ANXA4: variants seen among roughly 807,000 people sequenced by gnomAD.
ANXA4 encodes the protein annexin A4.
ANXA4 carries 39 observed loss-of-function variants against 49.8 expected under a neutral mutation model. That is an observed-to-expected ratio of 0.78 (90% CI 0.61 to 1.02). The LOEUF (loss-of-function observed/expected upper bound fraction) is 1.02, where lower values mean the gene tolerates loss of function less well. ANXA4 is among the 50% of genes least tolerant of loss of function. ANXA4 has a pLI of 0.00. For synonymous variants in ANXA4, 134 were observed against 152.5 expected, an observed-to-expected ratio of 0.88 and a Z score of 0.89; for missense variants, 360 against 410.1, an observed-to-expected ratio of 0.88 and a Z score of 1.05.
At chr2:69,721,696 C>CAA (rs200476723) in intron 3 of ANXA4, among the ~76,000 whole-genome samples, 1 of 137,128 alleles carries the variant, frequency 7.3e-6, no homozygotes, top group Middle Eastern at 3.7e-3. Flanking sequence ...GAGACCGTCT[C>CAA]AAAAAAAAAA....
At chr2:69,735,565 T>C (rs1406675851) in intron 3 of ANXA4, among the ~76,000 whole-genome samples, 1 of 151,882 alleles carries the variant, frequency 6.6e-6, no homozygotes, top group East Asian at 1.9e-4. Flanking sequence ...GTATGAGCTT[T>C]GGACTCAACT....
chr2:69,683,934 C>T (rs969937504), intron 2 of ANXA4, among the ~76,000 whole-genome samples: 4 of 152,126 alleles, frequency 2.6e-5, no homozygotes, highest in Non-Finnish European at 4.4e-5. Flanking sequence ...TGGAACTATG[C>T]ATAAGGGCAA....
rs183778804 is a variant in ANXA4 at position 69,806,877 on chromosome 2, A to G, written c.306+379A>G. On this transcript the variant is annotated intron_variant, in intron 5 of 12. Coordinates refer to ENST00000394295, the MANE Select transcript of ANXA4 (RefSeq NM_001153.5). Reference sequence around the variant, plus strand: ...GTGGGAGGAGGGAGAGGATCAGGAAAAATAACTAATGGGTACTAGGCTTAA... The same window carrying G: ...GTGGGAGGAGGGAGAGGATCAGGAAGAATAACTAATGGGTACTAGGCTTAA... 6.2e-3 allele frequency among the ~76,000 whole-genome samples: 950 copies of G among 152,292 alleles called. 7 individuals are homozygous for G. The highest frequency in any genetic ancestry group is 0.018 in the South Asian group (89 of 4,822).
Position 69,825,450 on chromosome 2 carries a change from G to T in ANXA4, c.907-6G>T. The T allele has an allele frequency of 6.2e-7, 1 of 1,603,682 alleles. No homozygotes were observed. The highest frequency in any genetic ancestry group is 8.5e-7 in the Non-Finnish European group (1 of 1,175,536). On this transcript the variant is annotated splice_region_variant and splice_polypyrimidine_tract_variant and intron_variant, in intron 12 of 12. Transcript: ENST00000394295. ...ATTTATCTAACTTTGCTTCCCTATC[G>T]AACAGGGTGACACATCTGGAGACTA...
chr2:69,746,133 T>G (rs1223955633), intron 1 of ANXA4, among the ~76,000 whole-genome samples: 2 of 152,158 alleles, frequency 1.3e-5, no homozygotes, highest in African/African-American at 2.4e-5. Flanking sequence ...TGCCTCAGCC[T>G]CCCAAGTAGC....
At chr2:69,663,654 A>G (rs556372524) in intron 2 of ANXA4, among the ~76,000 whole-genome samples, 2 of 152,096 alleles carry the variant, frequency 1.3e-5, no homozygotes, top group Non-Finnish European at 2.9e-5. Flanking sequence ...GGTGACATAG[A>G]GAGACCCTGT....
At chr2:69,820,843 C>T (rs780655119) in intron 12 of ANXA4, 22 bp downstream of exon 12, 3 of 1,611,740 alleles carry the variant, frequency 1.9e-6, no homozygotes, top group African/African-American at 2.7e-5. Context: ...CAGCCTAAGT[C>T]CAGAGTAAAG....
intron 3 of ANXA4, chr2:69,803,582 A>G (rs1461946387): frequency 6.6e-6 from 1 of 152,214 alleles, no homozygotes; most frequent in Non-Finnish European, 1.5e-5. Flanking sequence ...ATGTTGTATC[A>G]TGGTAATTTG....
At chr2:69,697,978 CAA>C (rs34820959) in intron 2 of ANXA4, among the ~76,000 whole-genome samples, 9,850 of 105,710 alleles carry the variant, frequency 0.093, 870 homozygotes, top group African/African-American at 0.29. Flanking sequence ...GACCCCATCT[CAA>C]AAAAAAAAAA....
intron 3 of ANXA4, among the ~76,000 whole-genome samples, chr2:69,732,266 C>T (rs977331476): frequency 1.3e-5 from 2 of 151,434 alleles, no homozygotes; most frequent in East Asian, 2.0e-4. Context: ...CGTGAGCCAC[C>T]GCGCCCAGCC....
intron 1 of ANXA4, among the ~76,000 whole-genome samples, chr2:69,772,718 A>C (rs1338931063): frequency 6.6e-6 from 1 of 152,144 alleles, no homozygotes; most frequent in South Asian, 2.1e-4. Flanking sequence ...TGTATATTCT[A>C]TTTAGAAATC....
intron 2 of ANXA4, among the ~76,000 whole-genome samples, chr2:69,711,426 A>T (rs1356248857): frequency 6.6e-6 from 1 of 152,240 alleles, no homozygotes; most frequent in Non-Finnish European, 1.5e-5. Context: ...CAGTGTGCTA[A>T]GGACAGAAAC....
At chr2:69,812,899 A>C (rs560371116) in intron 8 of ANXA4, among the ~76,000 whole-genome samples, 190 bp downstream of exon 8, 1 of 152,342 alleles carries the variant, frequency 6.6e-6, no homozygotes, top group African/African-American at 2.4e-5. Flanking sequence ...GGACATCATT[A>C]TATAAGCACT....
chr2:69,660,469 A>G (rs76371146), intron 2 of ANXA4, among the ~76,000 whole-genome samples: 1,553 of 152,314 alleles, frequency 0.01, 15 homozygotes, highest in Non-Finnish European at 0.016. Flanking sequence ...TAAGAGAACA[A>G]AACAAGAGCA....
At chr2:69,656,401 GTATATATATGTATATATATA>G (rs1559046920) in intron 2 of ANXA4, among the ~76,000 whole-genome samples, 8 of 135,210 alleles carry the variant, frequency 5.9e-5, no homozygotes, top group Middle Eastern at 3.7e-3. Context: ...GTATATATAT[GTATATATATGTATATATATA>G]TGTGTGTGTA....
At chr2:69,804,700 G>A (rs1673366065) in intron 4 of ANXA4, 73 bp downstream of exon 4, 4 of 1,262,582 alleles carry the variant, frequency 3.2e-6, no homozygotes, top group Non-Finnish European at 4.5e-6. Flanking sequence ...TCCTGATCTA[G>A]GTTCCCGAAG....
chr2:69,705,984 T>C (rs1278796690), intron 2 of ANXA4, among the ~76,000 whole-genome samples: 1 of 152,068 alleles, frequency 6.6e-6, no homozygotes, highest in Admixed American at 6.6e-5. Context: ...TTAAGGTACA[T>C]GTTAATTTTT....
At chr2:69,734,717 C>G (rs762683819) in intron 3 of ANXA4, among the ~76,000 whole-genome samples, 1 of 150,228 alleles carries the variant, frequency 6.7e-6, no homozygotes, top group Non-Finnish European at 1.5e-5. Context: ...TTTGCTTGTT[C>G]CCCCCAAAAA....
chr2:69,802,334 G>C (rs370022055), intron 3 of ANXA4, among the ~76,000 whole-genome samples: 19 of 152,222 alleles, frequency 1.2e-4, no homozygotes, highest in Admixed American at 2.0e-4. Context: ...GAAATAAAAA[G>C]AGTGAAAGAA....
Sources: allele counts gnomAD v4.1 joint callset (sites outside exome capture counted in the v4.1 genomes callset), GRCh38; gene constraint gnomAD v4.1.1; transcripts MANE v1.5; gene names NCBI Gene and HGNC (gene_info 2026-07-23, HGNC 2026-07-21).